The following TTN variants were observed in gnomAD, a reference collection of about 807,000 sequenced individuals.
The protein encoded by TTN is connectin.
TTN carries 1,525 observed loss-of-function variants against 3,223.0 expected under a neutral mutation model. The ratio of observed to expected loss-of-function variants is 0.47; its 90% confidence interval spans 0.45 to 0.49. The LOEUF (loss-of-function observed/expected upper bound fraction) is 0.49. Ranked by LOEUF, TTN falls within the 20% of genes least tolerant of loss-of-function variation. The pLI, the probability that TTN is intolerant of heterozygous loss-of-function variation, is 0.00. For missense variants in TTN, 40,786 were observed against 43,424.0 expected (o/e 0.94, Z 5.40); for synonymous variants, 14,094 against 15,161.0 (o/e 0.93, Z 5.17).
At position 178,563,837 on chromosome 2, in the gene TTN, G is replaced by T; in HGVS notation, c.82295C>A (p.Thr27432Asn). Reference protein sequence around the residue: ...TEVQALNYKVTKLLPGNEYIF... With the variant: ...TEVQALNYKVNKLLPGNEYIF... ...GTACTCATTACCAGGAAGAAGTTTA[G>T]TAACTTTGTAGTTAAGGGCCTGTAC... Residue 27432 changes from threonine to asparagine, a missense_variant, in exon 326 of 363, where the codon ACT becomes AAT. Coordinates refer to ENST00000589042, the MANE Select transcript of TTN (RefSeq NM_001267550.2). This position sits in a 1 kb window ranked among gnomAD's most constrained non-coding sequence, Gnocchi z 4.5. 1 of 1,613,732 alleles carries T rather than the reference G, an allele frequency of 6.2e-7. No homozygotes were observed. The highest frequency in any genetic ancestry group is 8.5e-7 in the Non-Finnish European group (1 of 1,179,748).
Position 178,581,635 on chromosome 2 carries a change from A to AT in TTN, c.66632dup (p.Asn22211LysfsTer8), listed in dbSNP as rs1440081449. 1.9e-6 allele frequency: 3 copies of AT among 1,612,710 alleles called. No individual in the cohort carries two copies. The highest frequency in any genetic ancestry group is 2.5e-6 in the Non-Finnish European group (3 of 1,179,278). ...TAACCTCAAAGCGGGTTTTCTGTAG[A>AT]TTCTGTGGTAAGTTGCACCTCACCC... On this transcript the variant is annotated frameshift_variant, in exon 316 of 363. Transcript: ENST00000589042. LOFTEE classifies it high-confidence loss of function.
chr2:178,630,709 T>C, intron 238 of TTN, 95 bp downstream of exon 238: 3 of 1,510,204 alleles, frequency 2.0e-6, no homozygotes, highest in Non-Finnish European at 2.7e-6. Context: ...ACTGCTATCA[T>C]GTTTTAAATG....
chr2:178,706,831 T>C, intron 101 of TTN, 31 bp downstream of exon 101: 2 of 1,609,716 alleles, frequency 1.2e-6, no homozygotes, highest in South Asian at 1.1e-5. Context: ...ATAAGATAGA[T>C]GAAGATGTAC....
intron 3 of TTN, 51 bp from the exon 4 acceptor site, chr2:178,800,733 C>T: frequency 6.5e-7 from 1 of 1,535,892 alleles, no homozygotes; most frequent in Non-Finnish European, 8.7e-7. Context: ...GTGCTCCCTA[C>T]AAGGTATTTT....
intron 152 of TTN, among the ~76,000 whole-genome samples, chr2:178,673,123 A>C (rs565772827): frequency 2.9e-4 from 44 of 151,978 alleles, no homozygotes; most frequent in African/African-American, 1.0e-3. Flanking sequence ...ACTGCTTAAG[A>C]GCACTGTCTG....
At position 178,678,179 on chromosome 2, in the gene TTN, C is replaced by T; in HGVS notation, c.33940G>A (p.Glu11314Lys). ...VPEVPKKLIP[E>K]EKKPTPVPKK... ...GGAACAGGTGTTGGTTTCTTTTCTT[C>T]TGGGATGAGCTTCTTGGGCACCTCT... The change falls in exon 145 of 363, where the codon GAA (glutamate) becomes AAA (lysine). Residue 11314 changes from glutamate to lysine, a missense_variant. Physicochemically the swap from Glu to Lys is moderately conservative, Grantham distance 56 (BLOSUM62 1). Transcript: ENST00000589042. 6.2e-7 allele frequency: 1 copy of T among 1,610,918 alleles called. No homozygotes were observed. The highest frequency in any genetic ancestry group is 8.5e-7 in the Non-Finnish European group (1 of 1,178,832).
intron 125 of TTN, 59 bp from the exon 126 acceptor site, chr2:178,688,837 C>A: frequency 7.0e-7 from 1 of 1,428,992 alleles, no homozygotes. Flanking sequence ...TTCTCACTTT[C>A]TAGAATTTGG....
chr2:178,762,534 T>A (rs1187444072), intron 43 of TTN, among the ~76,000 whole-genome samples: 1 of 152,220 alleles, frequency 6.6e-6, no homozygotes, highest in Admixed American at 6.5e-5. Context: ...TATACCAATA[T>A]AGTTAAGACA....
rs1182279478 is a variant in TTN at position 178,570,672 on chromosome 2, T to TTG, written c.75458_75459dup (p.Asn25154GlnfsTer6). The TTG allele has an allele frequency of 6.2e-7, 1 of 1,613,368 alleles. No homozygotes were observed. Among genetic ancestry groups the TTG allele is most frequent in the Non-Finnish European group, 8.5e-7 (1 of 1,179,590 alleles). On this transcript the variant is annotated frameshift_variant, in exon 326 of 363. Coordinates refer to ENST00000589042, the MANE Select transcript of TTN (RefSeq NM_001267550.2). LOFTEE classifies it high-confidence loss of function. ...CTCTTTATTTCTAATCGAGCTGTGTTTGAAAGCTCCTGATCACCTTTTATC... is the reference window on the plus strand; with the variant it reads ...CTCTTTATTTCTAATCGAGCTGTGTTTGTGAAAGCTCCTGATCACCTTTTATC...
chr2:178,771,887 CATTGAGGATTTCTATAT>C (rs2091548413), intron 33 of TTN, among the ~76,000 whole-genome samples: 1 of 152,098 alleles, frequency 6.6e-6, no homozygotes, highest in Non-Finnish European at 1.5e-5. Context: ...GTTTCTACTA[CATTGAGGATTTCTATAT>C]ATTAAAAATC....
Position 178,649,267 on chromosome 2 carries a change from T to C in TTN, c.40038A>G (p.Pro13346=). 1 of 1,501,478 alleles carries C rather than the reference T, an allele frequency of 6.7e-7. No homozygotes were observed. The highest frequency in any genetic ancestry group is 1.4e-5 in the African/African-American group (1 of 69,470). The allele number at this position is 1,501,478 out of a possible 1,614,324, so 93.0% of individuals were successfully genotyped here. A position where few individuals can be genotyped will look rare whatever the true frequency, so the allele number is the denominator to read the frequency against. The change falls in exon 213 of 363, where the codon CCA becomes CCG. Residue 13346 remains proline, a synonymous_variant. Coordinates refer to ENST00000589042, the MANE Select transcript of TTN (RefSeq NM_001267550.2). Reference sequence around the variant, plus strand: ...AGGTACCTTTTTCTGGAAGAACTTCTGGTTTTTTGGTAACAGGCACAGGTT... The same window carrying C: ...AGGTACCTTTTTCTGGAAGAACTTCCGGTTTTTTGGTAACAGGCACAGGTT... ...KKEPVPVTKK[P]EVLPEKVPKV...
chr2:178,543,340 C>G lies in TTN; in HGVS notation c.96633G>C (p.Val32211=). 6.2e-7 allele frequency: 1 copy of G among 1,613,796 alleles called. No homozygotes were observed. The highest frequency in any genetic ancestry group is 8.5e-7 in the Non-Finnish European group (1 of 1,179,800). Residue 32211 remains valine (V), a synonymous_variant, in exon 347 of 363, where the codon GTG becomes GTC. Coordinates refer to ENST00000589042, the MANE Select transcript of TTN (RefSeq NM_001267550.2). ...TAACAGTGGATTTGGTGACATCGAC[C>G]ACTTCTAGCTTTGCAGGCACCAAAG... ...EVPLVPAKLE[V]VDVTKSTVTL... is the part of the protein sequence containing the mutation.
chr2:178,786,500 T>C (rs1356034124), intron 13 of TTN, among the ~76,000 whole-genome samples: 1 of 152,196 alleles, frequency 6.6e-6, no homozygotes, highest in Non-Finnish European at 1.5e-5. Context: ...AGCTGGTTCT[T>C]TTCACTGATT....
At position 178,564,128 on chromosome 2, in the gene TTN, A is replaced by C. The variant is rs1211654508; in HGVS notation, c.82004T>G (p.Val27335Gly). 1 of 1,613,812 alleles carries C rather than the reference A, an allele frequency of 6.2e-7. No individual in the cohort carries two copies. Among genetic ancestry groups the C allele is most frequent in the Non-Finnish European group, 8.5e-7 (1 of 1,179,740 alleles). ...ATCAGTCCGTATACAGTCTTTGACA[A>C]CAAGAGTTGTTTTCTGAATAGTAGA... ...IKSTIQKTTLVVKDCIRTDGG... is the reference protein window; with the variant it reads ...IKSTIQKTTLGVKDCIRTDGG... The change falls in exon 326 of 363, where the codon GTT (valine) becomes GGT (glycine). Residue 27335 changes from valine to glycine, a missense_variant. By Grantham distance (109) the Val-to-Gly change is moderately radical. Transcript: ENST00000589042.
Position 178,739,574 on chromosome 2 carries a change from A to G in TTN, c.13659T>C (p.Thr4553=). The change falls in exon 48 of 363, where the codon ACT becomes ACC. Residue 4553 remains threonine (T), a synonymous_variant. Transcript: ENST00000589042. ...RVKYLDATPV[T]KGVASAVVSD... is the part of the protein sequence containing the mutation. ...AGACAACAGCTGAAGCAACCCCTTT[A>G]GTGACAGGTGTGGCATCCAAATATT... is the stretch of plus-strand genomic sequence containing the variant. 2 of 1,613,816 alleles carry G rather than the reference A, an allele frequency of 1.2e-6. No individual in the cohort carries two copies. The highest frequency in any genetic ancestry group is 1.7e-6 in the Non-Finnish European group (2 of 1,179,836).
intron 49 of TTN, 64 bp downstream of exon 49, chr2:178,738,018 G>T (rs767897059): frequency 1.2e-5 from 19 of 1,564,356 alleles, no homozygotes; most frequent in African/African-American, 4.1e-5. Flanking sequence ...CACATGTACA[G>T]AAAGCAAAAA....
chr2:178,678,750 T>G lies in TTN; in HGVS notation c.33823A>C (p.Lys11275Gln). ...VPKKVEAPPA[K>Q]VPEVPKKPVP... ...GCAACATTGCAAGTTCATGTACCTT[T>G]GGCAGGTGGAGCTTCCACCTTTTTA... Residue 11275 changes from lysine (K) to glutamine (Q), a missense_variant, in exon 143 of 363, where the codon AAA becomes CAA. By Grantham distance (53) the Lys-to-Gln change is moderately conservative (BLOSUM62 1). Transcript: ENST00000589042. 2.5e-6 allele frequency: 4 copies of G among 1,601,242 alleles called. No homozygotes were observed. Among genetic ancestry groups the G allele is most frequent in the Non-Finnish European group, 3.4e-6 (4 of 1,175,756 alleles).
rs1301003911 is a variant in TTN, at chr2:178,565,405, A to G, written c.80727T>C (p.Pro26909=). ...IEIPVIGRPR[P]NISWVKDGEP... ...CACCATCTTTGACCCAAGAAATGTT[A>G]GGTCTTGGTCGGCCTATAACTGGAA... Residue 26909 remains proline, a synonymous_variant, in exon 326 of 363, where the codon CCT becomes CCC. Transcript: ENST00000589042. 6.2e-7 allele frequency: 1 copy of G among 1,613,464 alleles called. No individual in the cohort carries two copies. Among genetic ancestry groups the G allele is most frequent in the African/African-American group, 1.3e-5 (1 of 74,886 alleles).
At chr2:178,688,913 C>A in intron 125 of TTN, 135 bp from the exon 126 acceptor site, 1 of 1,145,040 alleles carries the variant, frequency 8.7e-7, no homozygotes, top group Non-Finnish European at 1.3e-6. Flanking sequence ...ATCACAAGGA[C>A]ATAAACACAA....
Sources: gnomAD v4.1 joint callset for allele counts (sites outside exome capture counted in the v4.1 genomes callset) on GRCh38, gnomAD v4.1.1 for gene constraint, Gnocchi (gnomAD v3.1) non-coding constraint, MANE v1.5 for transcripts, NCBI Gene and HGNC (gene_info 2026-07-23, HGNC 2026-07-21) for gene names.